Variants in HYCC1 observed in about 807,000 individuals in gnomAD.
HYCC1 encodes the protein hyccin PI4KA lipid kinase complex subunit 1, also known as hyccin.
the HYCC1 span, among the ~76,000 whole-genome samples, chr7:22,918,728 C>T: frequency 6.6e-6 from 1 of 151,978 alleles, no homozygotes; most frequent in Non-Finnish European, 1.5e-5. Flanking sequence ...CCTTGTGACC[C>T]CCCACCCCTG....
chr7:22,932,938 G>A, the HYCC1 span, among the ~76,000 whole-genome samples: 1 of 152,138 alleles, frequency 6.6e-6, no homozygotes, highest in African/African-American at 2.4e-5. Flanking sequence ...TTATAAAAAG[G>A]TCATATGAAA....
the HYCC1 span, among the ~76,000 whole-genome samples, chr7:22,902,585 T>C: frequency 1.3e-5 from 2 of 152,064 alleles, no homozygotes; most frequent in African/African-American, 4.8e-5. Flanking sequence ...GGTAGATATA[T>C]AGACCAGGAG....
At chr7:22,931,275 C>T in the HYCC1 span, among the ~76,000 whole-genome samples, 1 of 144,288 alleles carries the variant, frequency 6.9e-6, no homozygotes, top group Admixed American at 6.9e-5. Flanking sequence ...AAAAAAAAAC[C>T]AGCCTGTCAC....
At chr7:22,924,302 G>C in the HYCC1 span, among the ~76,000 whole-genome samples, 7 of 152,134 alleles carry the variant, frequency 4.6e-5, no homozygotes, top group South Asian at 1.2e-3. Context: ...GAGGTAACGG[G>C]TTCATCTCAC....
the HYCC1 span, chr7:22,939,442 T>C: frequency 2.0e-5 from 3 of 152,212 alleles, no homozygotes; most frequent in Admixed American, 6.5e-5. Flanking sequence ...CTTTTTCATC[T>C]TTATCAATCT....
the HYCC1 span, among the ~76,000 whole-genome samples, chr7:22,962,652 G>T: frequency 6.6e-6 from 1 of 151,858 alleles, no homozygotes; most frequent in African/African-American, 2.4e-5. Flanking sequence ...GAAGGGGCAG[G>T]ACTACTGAGA....
chr7:23,007,137 C>T, the HYCC1 span, among the ~76,000 whole-genome samples: 4 of 152,070 alleles, frequency 2.6e-5, no homozygotes, highest in African/African-American at 9.7e-5. Context: ...CAGAACAGAA[C>T]AGTGATAATA....
At chr7:22,901,017 T>A in the HYCC1 span, among the ~76,000 whole-genome samples, 3 of 151,780 alleles carry the variant, frequency 2.0e-5, no homozygotes, top group Non-Finnish European at 4.4e-5. Flanking sequence ...CCCAGGAGTT[T>A]GAGACTACCC....
At chr7:22,985,726 T>C in the HYCC1 span, 3 of 151,582 alleles carry the variant, frequency 2.0e-5, no homozygotes, top group Non-Finnish European at 1.5e-5. Context: ...TGATCAAGAG[T>C]AACCTAATAC....
chr7:22,936,109 T>C, the HYCC1 span: 5 of 151,432 alleles, frequency 3.3e-5, no homozygotes. Flanking sequence ...TTGGGGAAAA[T>C]CATAATGGTG....
the HYCC1 span, among the ~76,000 whole-genome samples, chr7:22,998,257 TTAC>T: frequency 1.4e-4 from 21 of 152,314 alleles, no homozygotes; most frequent in Admixed American, 1.1e-3. Flanking sequence ...AGGCCAACAG[TTAC>T]TGCTCTTGGA....
At chr7:22,931,482 T>C in the HYCC1 span, among the ~76,000 whole-genome samples, 1 of 152,144 alleles carries the variant, frequency 6.6e-6, no homozygotes, top group South Asian at 2.1e-4. Context: ...AACAAATATC[T>C]GAAATTGTGG....
the HYCC1 span, among the ~76,000 whole-genome samples, chr7:23,011,264 A>G: frequency 1.3e-5 from 2 of 152,200 alleles, no homozygotes; most frequent in South Asian, 4.1e-4. Flanking sequence ...CATCACAACT[A>G]AATCAATATA....
the HYCC1 span, chr7:22,964,652 C>G: frequency 3.0e-6 from 2 of 658,696 alleles, no homozygotes; most frequent in Non-Finnish European, 5.5e-6. Context: ...ATTTATGAAA[C>G]AAAGAATCTT....
the HYCC1 span, among the ~76,000 whole-genome samples, chr7:22,968,632 C>T: frequency 6.6e-6 from 1 of 152,282 alleles, no homozygotes; most frequent in East Asian, 1.9e-4. Context: ...CTGTCACCCC[C>T]TTTGCTGGAT....
At chr7:22,958,894 T>C in the HYCC1 span, among the ~76,000 whole-genome samples, 1 of 152,200 alleles carries the variant, frequency 6.6e-6, no homozygotes, top group Non-Finnish European at 1.5e-5. Context: ...TTGTGCTTCC[T>C]GTAGCAGTAG....
At chr7:22,927,817 C>T in the HYCC1 span, among the ~76,000 whole-genome samples, 1 of 152,190 alleles carries the variant, frequency 6.6e-6, no homozygotes. Context: ...AAGAGAGAAT[C>T]CTCCCTAACT....
chr7:22,916,468 C>A, the HYCC1 span, among the ~76,000 whole-genome samples: 1 of 152,196 alleles, frequency 6.6e-6, no homozygotes, highest in Non-Finnish European at 1.5e-5. Context: ...CAACCTTTTT[C>A]ATTACACGCA....
the HYCC1 span, among the ~76,000 whole-genome samples, chr7:22,928,138 C>T: frequency 6.6e-6 from 1 of 151,952 alleles, no homozygotes; most frequent in African/African-American, 2.4e-5. Context: ...TTCAACAACC[C>T]TTCATGCTAA....
Sources: gnomAD v4.1 joint callset for allele counts (sites outside exome capture counted in the v4.1 genomes callset) on GRCh38, gnomAD v4.1.1 for gene constraint, MANE v1.5 for transcripts, NCBI Gene and HGNC (gene_info 2026-07-23, HGNC 2026-07-21) for gene names.